Variants in SGCZ observed in about 807,000 individuals in gnomAD.
SGCZ encodes sarcoglycan zeta.
Under a neutral mutation model 41.3 loss-of-function variants are expected in SGCZ, and 40 were observed. That is an observed-to-expected ratio of 0.97 (90% CI 0.75 to 1.26). SGCZ has a LOEUF of 1.26. Among genes scored for constraint, SGCZ ranks in the 50% most tolerant of loss-of-function variants. The pLI is 0.00. For synonymous variants in SGCZ, 206 were observed against 137.5 expected (o/e 1.50, Z -3.49); for missense variants, 552 against 369.8 (o/e 1.49, Z -4.04).
chr8:15,225,584 C>A (rs539017175), intron 1 of SGCZ, among the ~76,000 whole-genome samples: 1 of 152,220 alleles, frequency 6.6e-6, no homozygotes, highest in Non-Finnish European at 1.5e-5. Context: ...AATTAGCAAG[C>A]TCTGTATCAT....
intron 1 of SGCZ, among the ~76,000 whole-genome samples, chr8:14,935,973 T>C (rs1800068059): frequency 1.3e-5 from 2 of 151,902 alleles, no homozygotes; most frequent in African/African-American, 4.8e-5. Context: ...AATGTACTAA[T>C]GGAATAAGGA....
intron 5 of SGCZ, among the ~76,000 whole-genome samples, chr8:14,147,936 C>A (rs1292796114): frequency 6.6e-6 from 1 of 151,972 alleles, no homozygotes; most frequent in Non-Finnish European, 1.5e-5. Context: ...GAAATTAAAC[C>A]ATGTGCTCCT....
intron 1 of SGCZ, among the ~76,000 whole-genome samples, chr8:14,614,174 G>C (rs1806020266): frequency 6.6e-6 from 1 of 152,080 alleles, no homozygotes; most frequent in Non-Finnish European, 1.5e-5. Flanking sequence ...TAAATGTGTT[G>C]TCAAGAAACT....
At chr8:14,140,367 A>G (rs1166125699) in intron 5 of SGCZ, among the ~76,000 whole-genome samples, 3 of 152,204 alleles carry the variant, frequency 2.0e-5, no homozygotes, top group African/African-American at 7.2e-5. Context: ...TTAGGAAAAG[A>G]GGAAGTCAAA....
At chr8:14,630,275 T>C (rs1469801895) in intron 1 of SGCZ, among the ~76,000 whole-genome samples, 1 of 152,022 alleles carries the variant, frequency 6.6e-6, no homozygotes, top group Non-Finnish European at 1.5e-5. Flanking sequence ...ATAAATCTGC[T>C]TATGTCTGCT....
At chr8:14,106,194 A>T (rs1802197020) in intron 6 of SGCZ, among the ~76,000 whole-genome samples, 1 of 152,358 alleles carries the variant, frequency 6.6e-6, no homozygotes, top group African/African-American at 2.4e-5. Flanking sequence ...TGGCTGCTAC[A>T]GCATTAAGGA....
chr8:15,074,192 C>T (rs1435176041), intron 1 of SGCZ, among the ~76,000 whole-genome samples: 1 of 152,114 alleles, frequency 6.6e-6, no homozygotes, highest in Non-Finnish European at 1.5e-5. Flanking sequence ...CTTTCCTCTC[C>T]CCCTTCTCAT....
At chr8:14,414,837 T>C (rs1799452727) in intron 2 of SGCZ, among the ~76,000 whole-genome samples, 1 of 151,962 alleles carries the variant, frequency 6.6e-6, no homozygotes. Flanking sequence ...TTAAACACCA[T>C]GAAATTGTGA....
chr8:14,763,696 A>G (rs572429072), intron 1 of SGCZ, among the ~76,000 whole-genome samples: 41 of 152,314 alleles, frequency 2.7e-4, no homozygotes, highest in African/African-American at 9.1e-4. Context: ...AGAAAACCCA[A>G]TGATGGCTTA....
intron 3 of SGCZ, among the ~76,000 whole-genome samples, chr8:14,243,248 A>T (rs979765147): frequency 6.6e-6 from 1 of 152,128 alleles, no homozygotes. Context: ...TTACAAGAAA[A>T]ATTTTCTTCT....
At chr8:14,681,833 G>A (rs1808456002) in intron 1 of SGCZ, among the ~76,000 whole-genome samples, 1 of 152,022 alleles carries the variant, frequency 6.6e-6, no homozygotes. Context: ...TGGGCTTTTA[G>A]ATGACACAAG....
intron 1 of SGCZ, among the ~76,000 whole-genome samples, chr8:15,116,571 T>G (rs1388959819): frequency 6.6e-6 from 1 of 152,170 alleles, no homozygotes; most frequent in East Asian, 1.9e-4. Context: ...AATTATTGCT[T>G]CTCAGTGATA....
At chr8:14,383,591 G>C (rs565459332) in intron 2 of SGCZ, among the ~76,000 whole-genome samples, 12 of 152,306 alleles carry the variant, frequency 7.9e-5, no homozygotes, top group African/African-American at 2.9e-4. Flanking sequence ...ATGTTAAGGT[G>C]CTCCCAGGAG....
chr8:14,890,130 T>A (rs932944101), intron 1 of SGCZ, among the ~76,000 whole-genome samples: 4 of 151,758 alleles, frequency 2.6e-5, no homozygotes, highest in Admixed American at 6.6e-5. Context: ...GGCAGGTGAA[T>A]CGCTTCAACG....
At chr8:14,237,553 C>G in intron 4 of SGCZ, 39 bp downstream of exon 4, 16 of 1,560,968 alleles carry the variant, frequency 1.0e-5, no homozygotes, top group African/African-American at 1.4e-5. Flanking sequence ...CAAAAAAAAC[C>G]AAGCACAGTA....
chr8:14,543,406 G>T (rs555217470), intron 2 of SGCZ, among the ~76,000 whole-genome samples: 9 of 149,940 alleles, frequency 6.0e-5, no homozygotes, highest in Non-Finnish European at 9.0e-5. Flanking sequence ...AACACAGTTT[G>T]CCCTTCACTA....
In SGCZ at chr8:15,097,756, A is replaced by ACG. The variant is rs1563123665; in HGVS notation, c.39+139828_39+139829insCG. 4.7e-3 allele frequency among the ~76,000 whole-genome samples: 50 copies of ACG among 10,682 alleles called. 1 individual carries two copies. The highest frequency in any genetic ancestry group is 0.014 in the South Asian group (5 of 348). 7.0% of individuals were successfully genotyped at this position (10,682 alleles called of 152,430 possible). ...AAAAAATATATATATATATACACGT[A>ACG]TATATGTGTTTATATATATATATAC... On this transcript the variant is annotated intron_variant, in intron 1 of 7. Transcript: ENST00000382080.
At chr8:14,425,048 T>C (rs1421779662) in intron 2 of SGCZ, among the ~76,000 whole-genome samples, 1 of 152,194 alleles carries the variant, frequency 6.6e-6, no homozygotes, top group Non-Finnish European at 1.5e-5. Context: ...TAGCTTGCCT[T>C]TCTACTTTTT....
intron 3 of SGCZ, among the ~76,000 whole-genome samples, chr8:14,242,866 C>G (rs1375775913): frequency 6.6e-6 from 1 of 151,976 alleles, no homozygotes; most frequent in Non-Finnish European, 1.5e-5. Flanking sequence ...AATGTCAAAC[C>G]AATATAAAAA....
Sources: gnomAD v4.1 joint callset for allele counts (sites outside exome capture counted in the v4.1 genomes callset) on GRCh38, gnomAD v4.1.1 for gene constraint, MANE v1.5 for transcripts, NCBI Gene and HGNC (gene_info 2026-07-23, HGNC 2026-07-21) for gene names.